RIC1: variants seen among roughly 807,000 people sequenced by gnomAD.
The protein encoded by RIC1 is RIC1 partner of RAB6A GEF complex, also known as guanine nucleotide exchange factor subunit RIC1.
Under a neutral mutation model 169.0 loss-of-function variants are expected in RIC1, and 88 were observed. The ratio of observed to expected loss-of-function variants is 0.52; its 90% CI spans 0.44 to 0.62. The LOEUF is 0.62. Among genes scored for constraint, RIC1 ranks in the 20% least tolerant of loss-of-function variants. RIC1 has a pLI of 0.00. For synonymous variants in RIC1, 790 were observed against 601.5 expected, an observed-to-expected ratio of 1.31 and a Z score of -4.59; for missense variants, 1,877 against 1,725.5, an observed-to-expected ratio of 1.09 and a Z score of -1.56.
intron 1 of RIC1, among the ~76,000 whole-genome samples, chr9:5,650,418 A>T (rs534301580): frequency 6.6e-6 from 1 of 152,076 alleles, no homozygotes; most frequent in East Asian, 1.9e-4. Flanking sequence ...GCCTGTCTTC[A>T]GGCCCCCTGG....
chr9:5,689,348 G>T (rs1821461929), intron 2 of RIC1, among the ~76,000 whole-genome samples: 1 of 152,092 alleles, frequency 6.6e-6, no homozygotes, highest in Non-Finnish European at 1.5e-5. Flanking sequence ...ACCGCGCCCG[G>T]CCTACAATTT....
intron 1 of RIC1, among the ~76,000 whole-genome samples, chr9:5,638,440 G>C (rs1486398190): frequency 6.6e-6 from 1 of 152,172 alleles, no homozygotes; most frequent in African/African-American, 2.4e-5. Flanking sequence ...TTAAATGTTT[G>C]TTGGAATTGA....
At chr9:5,675,555 TATA>T (rs1298702177) in intron 2 of RIC1, among the ~76,000 whole-genome samples, 1 of 152,236 alleles carries the variant, frequency 6.6e-6, no homozygotes, top group Non-Finnish European at 1.5e-5. Flanking sequence ...TTACGACAAG[TATA>T]ATTTCTTCTA....
chr9:5,770,268 A>G lies in RIC1; in HGVS notation c.3606A>G (p.Leu1202=), dbSNP rs757682143. The change falls in exon 23 of 26, where the codon TTA becomes TTG. Residue 1202 remains leucine (L), a synonymous_variant. Coordinates refer to ENST00000414202, the MANE Select transcript of RIC1 (RefSeq NM_020829.4). The stretch of plus-strand genomic sequence containing the variant: ...TGCAAGATGCCTTCTTGTCACCTTT[A>G]TCTAATAAAGGTAAATGTAATTTTA... The part of the protein sequence containing the change: ...PQMQDAFLSP[L]SNKGDECSIG... The G allele has an allele frequency of 1.2e-6, 2 of 1,612,932 alleles. No homozygotes were observed. The highest frequency in any genetic ancestry group is 2.2e-5 in the South Asian group (2 of 90,898).
At chr9:5,684,406 A>C (rs1209412257) in intron 2 of RIC1, among the ~76,000 whole-genome samples, 2 of 150,528 alleles carry the variant, frequency 1.3e-5, no homozygotes, top group Non-Finnish European at 2.9e-5. Flanking sequence ...CAATATAAAC[A>C]AGATGTATTT....
intron 6 of RIC1, among the ~76,000 whole-genome samples, chr9:5,724,676 G>T (rs537873474): frequency 6.6e-6 from 1 of 152,166 alleles, no homozygotes; most frequent in Non-Finnish European, 1.5e-5. Flanking sequence ...TGCCCATTCA[G>T]TATGATATTT....
chr9:5,705,069 G>A (rs562191908), intron 3 of RIC1, among the ~76,000 whole-genome samples: 1 of 152,084 alleles, frequency 6.6e-6, no homozygotes, highest in South Asian at 2.1e-4. Flanking sequence ...CTGTAGCTTT[G>A]CAGTAGGTTT....
chr9:5,639,158 C>A (rs1014020117), intron 1 of RIC1, among the ~76,000 whole-genome samples: 2 of 152,160 alleles, frequency 1.3e-5, no homozygotes, highest in African/African-American at 4.8e-5. Context: ...CTGCCCACCT[C>A]GGCTCCCAAA....
At chr9:5,641,418 A>G (rs1304608210) in intron 1 of RIC1, among the ~76,000 whole-genome samples, 1 of 151,936 alleles carries the variant, frequency 6.6e-6, no homozygotes, top group African/African-American at 2.4e-5. Context: ...TTTAGGTTAA[A>G]TCTGCTTGGC....
At position 5,765,426 on chromosome 9, in the gene RIC1, C is replaced by T. The variant is rs760908824; in HGVS notation, c.2854C>T (p.Pro952Ser). ...TTGTTTTTTGTAGAATATGGAAGTCCCTGCAGTAAGTAGGCAACATGCTAC... is the reference window on the plus strand; with the variant it reads ...TTGTTTTTTGTAGAATATGGAAGTCTCTGCAGTAAGTAGGCAACATGCTAC... ...YLIILQNMEV[P>S]AVSRQHATLL... The change falls in exon 20 of 26, where the codon CCT becomes TCT. Residue 952 changes from proline to serine, a missense_variant. Around this residue, in one of 3 missense-constraint regions of RIC1, gnomAD observed 681 missense variants for 582.0 expected, o/e 1.17. Coordinates refer to ENST00000414202, the MANE Select transcript of RIC1 (RefSeq NM_020829.4). 14 of 1,613,100 alleles carry T rather than the reference C, an allele frequency of 8.7e-6. No homozygotes were observed. Among genetic ancestry groups the T allele is most frequent in the Middle Eastern group, 1.6e-4 (1 of 6,068 alleles).
intron 2 of RIC1, among the ~76,000 whole-genome samples, chr9:5,687,730 A>G (rs916160969): frequency 7.2e-5 from 11 of 152,190 alleles, no homozygotes; most frequent in Admixed American, 4.6e-4. Flanking sequence ...ATACACTGCT[A>G]TTATTCTTGT....
rs748820173 is a variant in RIC1 at position 5,765,642 on chromosome 9, C to G, written c.3001-20C>G. 6.2e-7 allele frequency: 1 copy of G among 1,614,112 alleles called. No individual in the cohort carries two copies. The highest frequency in any genetic ancestry group is 1.1e-5 in the South Asian group (1 of 91,080). The stretch of plus-strand genomic sequence containing the variant: ...GTAGCATCTTTCTCTAATGGTACTG[C>G]ATATGGTGTGTAATCCTAGGAACCC... On this transcript the variant is annotated intron_variant, in intron 20 of 25. Transcript: ENST00000414202.
intron 1 of RIC1, among the ~76,000 whole-genome samples, chr9:5,638,938 C>T (rs761495114): frequency 6.6e-6 from 1 of 152,078 alleles, no homozygotes; most frequent in African/African-American, 2.4e-5. Context: ...TTTTCTGAGA[C>T]AGGGTCTCTC....
intron 8 of RIC1, among the ~76,000 whole-genome samples, chr9:5,740,570 C>T (rs527946655): frequency 3.0e-4 from 46 of 151,512 alleles, no homozygotes; most frequent in East Asian, 1.9e-4. Flanking sequence ...AGAGCCAGTC[C>T]GAGTTCCAAA....
At chr9:5,728,787 A>T (rs1351833677) in intron 6 of RIC1, among the ~76,000 whole-genome samples, 2 of 152,338 alleles carry the variant, frequency 1.3e-5, no homozygotes, top group South Asian at 4.1e-4. Flanking sequence ...TGTCATAATT[A>T]TCCTGAGATT....
At chr9:5,722,339 G>T (rs1165808133) in intron 6 of RIC1, among the ~76,000 whole-genome samples, 12 of 66,324 alleles carry the variant, frequency 1.8e-4, no homozygotes, top group African/African-American at 6.2e-4. Flanking sequence ...AAAACTATAA[G>T]AGAGAGAGAG....
chr9:5,650,556 G>A (rs943687350), intron 1 of RIC1, among the ~76,000 whole-genome samples: 3 of 152,042 alleles, frequency 2.0e-5, no homozygotes, highest in African/African-American at 4.8e-5. Context: ...CCAGAGGCTG[G>A]GGTGGGGCAG....
Position 5,690,111 on chromosome 9 carries a change from G to C in RIC1, c.332+73G>C, listed in dbSNP as rs188270708. 241 of 1,068,882 alleles carry C rather than the reference G, an allele frequency of 2.3e-4. 1 individual carries two copies. The African/African-American group carries it at 3.3e-3, about 15-fold the overall frequency. 66.2% of individuals were successfully genotyped at this position (1,068,882 alleles called of 1,614,324 possible). A position where few individuals can be genotyped will look rare whatever the true frequency, so the allele number is the denominator to read the frequency against. The stretch of plus-strand genomic sequence containing the variant: ...ATATTCAGAAAAACATTACAGTTTT[G>C]AGTTGTCTGTAGTGATTAGAATAAA... On this transcript the variant is annotated intron_variant, in intron 3 of 25. Transcript: ENST00000414202.
chr9:5,745,421 G>A (rs866685865), intron 10 of RIC1, among the ~76,000 whole-genome samples: 1 of 152,072 alleles, frequency 6.6e-6, no homozygotes, highest in African/African-American at 2.4e-5. Flanking sequence ...CTTATATCCC[G>A]AGAAACGAGA....
Sources: allele counts gnomAD v4.1 joint callset (sites outside exome capture counted in the v4.1 genomes callset), GRCh38; gene constraint gnomAD v4.1.1; regional missense constraint gnomAD v4.1.1; transcripts MANE v1.5; gene names NCBI Gene and HGNC (gene_info 2026-07-23, HGNC 2026-07-21).